DIAPH2: variants seen among roughly 807,000 people sequenced by gnomAD.
The protein encoded by DIAPH2 is protein diaphanous homolog 2.
A neutral mutation model predicts 92.7 loss-of-function variants in DIAPH2; 35 were observed. That is an observed-to-expected ratio of 0.38 (90% CI 0.29 to 0.50). The LOEUF is 0.50. DIAPH2 is among the 20% of genes least tolerant of loss of function. The pLI, the probability that DIAPH2 is intolerant of heterozygous loss-of-function variation, is 0.94. For synonymous variants in DIAPH2, 301 were observed against 280.4 expected (o/e 1.07, Z -0.73); for missense variants, 701 against 819.5 (o/e 0.86, Z 1.77).
At chrX:96,817,158 A>G (rs749773303) in intron 4 of DIAPH2, among the ~76,000 whole-genome samples, 37 of 112,288 alleles carry the variant, frequency 3.3e-4, no homozygotes, top group African/African-American at 1.1e-3. Context: ...TGCTAGCACA[A>G]TAGGGTGGCT....
At chrX:97,459,322 T>C (rs2070437908) in intron 26 of DIAPH2, among the ~76,000 whole-genome samples, 2 of 112,099 alleles carry the variant, frequency 1.8e-5, no homozygotes, top group Admixed American at 1.9e-4. Context: ...TGGGTCTAAA[T>C]CTTGGCTCTG....
At chrX:97,546,140 C>G (rs2071179808) in intron 26 of DIAPH2, among the ~76,000 whole-genome samples, 1 of 110,943 alleles carries the variant, frequency 9.0e-6, no homozygotes, top group Non-Finnish European at 1.9e-5. Flanking sequence ...TCGTGTTTTT[C>G]TAAAAGCAAG....
intron 19 of DIAPH2, among the ~76,000 whole-genome samples, chrX:97,087,193 A>T (rs1255760452): frequency 8.9e-6 from 1 of 112,040 alleles, no homozygotes; most frequent in African/African-American, 3.2e-5. Context: ...GCATTTTAGT[A>T]AAATGAAAGG....
At chrX:97,145,779 G>A (rs1013820830) in intron 22 of DIAPH2, among the ~76,000 whole-genome samples, 16 of 110,013 alleles carry the variant, frequency 1.5e-4, no homozygotes, top group Non-Finnish European at 3.0e-4. Context: ...AAGATCTTAC[G>A]CACATTCTGC....
At chrX:96,780,701 C>T (rs2064410540) in intron 4 of DIAPH2, among the ~76,000 whole-genome samples, 1 of 110,473 alleles carries the variant, frequency 9.1e-6, no homozygotes, top group African/African-American at 3.3e-5. Context: ...CCAGGATAGT[C>T]TCGATCTCCT....
intron 3 of DIAPH2, among the ~76,000 whole-genome samples, chrX:96,751,369 G>A (rs1380052652): frequency 1.8e-5 from 2 of 108,543 alleles, no homozygotes; most frequent in Non-Finnish European, 3.8e-5. Context: ...GAGGTCAGGA[G>A]ATCGAGACCA....
intron 17 of DIAPH2, among the ~76,000 whole-genome samples, chrX:96,978,373 T>C (rs2065974740): frequency 9.0e-6 from 1 of 110,604 alleles, no homozygotes; most frequent in African/African-American, 3.3e-5. Context: ...TTATCATTAT[T>C]ACAGTAATCA....
At chrX:97,489,647 G>T (rs1223891860) in intron 26 of DIAPH2, among the ~76,000 whole-genome samples, 2 of 111,194 alleles carry the variant, frequency 1.8e-5, no homozygotes, top group African/African-American at 3.3e-5. Context: ...ATCATGGAAA[G>T]GTGTTGAATT....
At chrX:96,888,820 T>A (rs1465288823) in intron 5 of DIAPH2, among the ~76,000 whole-genome samples, 1 of 108,762 alleles carries the variant, frequency 9.2e-6, no homozygotes, top group African/African-American at 3.3e-5. Flanking sequence ...GTTAAGTAAT[T>A]TGCGCCATAT....
chrX:97,076,682 G>A (rs2147914896), intron 19 of DIAPH2, among the ~76,000 whole-genome samples: 1 of 111,988 alleles, frequency 8.9e-6, no homozygotes, highest in African/African-American at 3.2e-5. Flanking sequence ...CTCTGTGGAA[G>A]CTCTTCTATT....
At chrX:97,515,141 G>T (rs1439582360) in intron 26 of DIAPH2, among the ~76,000 whole-genome samples, 3 of 112,394 alleles carry the variant, frequency 2.7e-5, no homozygotes, top group African/African-American at 9.7e-5. Context: ...ATCTCAGACT[G>T]CTGTGCTAGC....
intron 23 of DIAPH2, among the ~76,000 whole-genome samples, chrX:97,315,473 A>T (rs1354130440): frequency 2.7e-5 from 3 of 111,732 alleles, no homozygotes. Flanking sequence ...TTCCATCAAG[A>T]TGCATCAGAG....
chrX:96,758,019 A>C, intron 3 of DIAPH2, 135 bp from the exon 4 acceptor site: 2 of 521,332 alleles, frequency 3.8e-6, no homozygotes, highest in Admixed American at 1.0e-4. Context: ...GAAGTATCCC[A>C]AAAAAGGATT....
At chrX:97,070,518 A>T (rs1243534389) in intron 17 of DIAPH2, among the ~76,000 whole-genome samples, 1 of 111,641 alleles carries the variant, frequency 9.0e-6, no homozygotes, top group Non-Finnish European at 1.9e-5. Context: ...TGTTCTTTGA[A>T]TTCTCTATTT....
intron 26 of DIAPH2, among the ~76,000 whole-genome samples, chrX:97,474,780 TTAA>T (rs1777782923): frequency 2.8e-5 from 3 of 108,622 alleles, no homozygotes; most frequent in Non-Finnish European, 5.7e-5. Flanking sequence ...AAAAAAAAAA[TTAA>T]TAATAGTAAT....
intron 4 of DIAPH2, among the ~76,000 whole-genome samples, chrX:96,827,547 T>C (rs760677061): frequency 2.7e-5 from 3 of 112,076 alleles, no homozygotes; most frequent in Non-Finnish European, 5.6e-5. Flanking sequence ...CCAATTGTGT[T>C]ACAGGGACAA....
chrX:96,893,914 C>T (rs2147761995), intron 5 of DIAPH2, among the ~76,000 whole-genome samples: 1 of 112,064 alleles, frequency 8.9e-6, no homozygotes, highest in South Asian at 3.7e-4. Flanking sequence ...AGATAATGGA[C>T]AGCTAATTTG....
chrX:97,228,283 A>G (rs1219861723), intron 22 of DIAPH2, among the ~76,000 whole-genome samples: 2 of 111,420 alleles, frequency 1.8e-5, no homozygotes, highest in Admixed American at 9.6e-5. Flanking sequence ...TCTTAGGGGG[A>G]AAATGGTAGT....
chrX:97,203,487 G>A (rs996181920), intron 22 of DIAPH2, among the ~76,000 whole-genome samples: 4 of 111,506 alleles, frequency 3.6e-5, no homozygotes, highest in Non-Finnish European at 7.5e-5. Context: ...AGATAAAGGC[G>A]ATATCACCAC....
Sources: allele counts gnomAD v4.1 joint callset (sites outside exome capture counted in the v4.1 genomes callset), GRCh38; gene constraint gnomAD v4.1.1; transcripts MANE v1.5; gene names NCBI Gene and HGNC (gene_info 2026-07-23, HGNC 2026-07-21).